The following CRPPA variants were observed in gnomAD, a reference collection of about 807,000 sequenced individuals.
CRPPA encodes D-ribitol-5-phosphate cytidylyltransferase.
Under a neutral mutation model 52.0 loss-of-function variants are expected in CRPPA, and 43 were observed. That is an observed-to-expected ratio of 0.83 (90% CI 0.65 to 1.07). CRPPA has a LOEUF of 1.07. CRPPA is among the 50% of genes least tolerant of loss of function. CRPPA has a pLI of 0.00. For missense variants in CRPPA, 629 were observed against 551.7 expected (o/e 1.14, Z -1.40); for synonymous variants, 250 against 203.5 (o/e 1.23, Z -1.94).
intron 3 of CRPPA, among the ~76,000 whole-genome samples, chr7:16,335,085 T>C (rs1785644906): frequency 1.5e-5 from 2 of 136,722 alleles, no homozygotes; most frequent in African/African-American, 2.8e-5. Context: ...TCTGGGAGGC[T>C]GAGGCAGGAG....
intron 9 of CRPPA, among the ~76,000 whole-genome samples, chr7:16,186,868 C>T (rs1014932116): frequency 6.6e-6 from 1 of 152,084 alleles, no homozygotes; most frequent in African/African-American, 2.4e-5. Flanking sequence ...TTTGTCCCAC[C>T]ATCAATGGAT....
intron 5 of CRPPA, among the ~76,000 whole-genome samples, chr7:16,288,781 G>A (rs1784498644): frequency 7.2e-6 from 1 of 139,408 alleles, no homozygotes; most frequent in East Asian, 2.2e-4. Flanking sequence ...GGGAAGAGGA[G>A]GTTACAGTGA....
intron 9 of CRPPA, among the ~76,000 whole-genome samples, chr7:16,168,338 A>T (rs1781108846): frequency 6.6e-6 from 1 of 152,176 alleles, no homozygotes; most frequent in South Asian, 2.1e-4. Flanking sequence ...GCATAGGGAC[A>T]TATAAGGAAT....
intron 2 of CRPPA, among the ~76,000 whole-genome samples, chr7:16,395,991 A>C (rs1787559548): frequency 6.6e-6 from 1 of 152,226 alleles, no homozygotes; most frequent in African/African-American, 2.4e-5. Context: ...AGAATAGGTC[A>C]GTCCTTGGTC....
At chr7:16,198,772 T>G (rs940698291) in intron 9 of CRPPA, among the ~76,000 whole-genome samples, 88 of 151,390 alleles carry the variant, frequency 5.8e-4, no homozygotes, top group East Asian at 1.2e-3. Flanking sequence ...TAGCTAATCT[T>G]AAACTCCTGG....
At position 16,160,737 on chromosome 7, in the gene CRPPA, C is replaced by T. The variant is rs145246852; in HGVS notation, c.1251+55329G>A. On this transcript the variant is annotated intron_variant, in intron 9 of 9. Transcript: ENST00000407010. ...TAGCTTGATGGGAATAGCATTGAGT[C>T]TATAAACTACTTTGCGCAGTATGGC... Among the ~76,000 whole-genome samples the T allele has an allele frequency of 9.9e-3, 1,501 of 152,278 alleles. 12 individuals are homozygous for T. Among genetic ancestry groups the T allele is most frequent in the Middle Eastern group, 0.017 (5 of 294 alleles).
chr7:16,310,079 G>C (rs1583509191), intron 3 of CRPPA, among the ~76,000 whole-genome samples: 1 of 152,176 alleles, frequency 6.6e-6, no homozygotes, highest in Non-Finnish European at 1.5e-5. Context: ...CAAGTAGCAA[G>C]ATGATTTTAG....
At chr7:16,301,702 G>A (rs1784791597) in intron 4 of CRPPA, among the ~76,000 whole-genome samples, 2 of 152,058 alleles carry the variant, frequency 1.3e-5, no homozygotes, top group South Asian at 4.1e-4. Flanking sequence ...AGTTGTTACC[G>A]AAATCTTAAT....
At chr7:16,317,844 C>A (rs1159510875) in intron 3 of CRPPA, among the ~76,000 whole-genome samples, 5 of 152,110 alleles carry the variant, frequency 3.3e-5, no homozygotes, top group Non-Finnish European at 5.9e-5. Context: ...ATGGCTATAC[C>A]AATTTATATC....
intron 9 of CRPPA, among the ~76,000 whole-genome samples, chr7:16,150,719 T>C (rs1391795782): frequency 6.6e-6 from 1 of 152,172 alleles, no homozygotes; most frequent in Non-Finnish European, 1.5e-5. Context: ...CTTAACAGAA[T>C]ACCAGAGACT....
chr7:16,389,214 T>C (rs574373921), intron 2 of CRPPA, among the ~76,000 whole-genome samples: 4 of 152,240 alleles, frequency 2.6e-5, no homozygotes, highest in African/African-American at 7.2e-5. Context: ...CTCAAACTTG[T>C]CCAAAAAATA....
At chr7:16,112,826 C>G (rs1334623069) in intron 9 of CRPPA, among the ~76,000 whole-genome samples, 45 of 152,148 alleles carry the variant, frequency 3.0e-4, no homozygotes, top group Admixed American at 2.8e-3. Flanking sequence ...ATTTCAGGAA[C>G]TTACCTGATG....
chr7:16,199,959 G>C (rs1380863975), intron 9 of CRPPA, among the ~76,000 whole-genome samples: 2 of 149,530 alleles, frequency 1.3e-5, no homozygotes, highest in African/African-American at 4.9e-5. Context: ...CTGGTTTCCA[G>C]TGATTCTCCT....
At chr7:16,332,435 T>C (rs563141569) in intron 3 of CRPPA, among the ~76,000 whole-genome samples, 5 of 152,284 alleles carry the variant, frequency 3.3e-5, no homozygotes, top group South Asian at 2.1e-4. Flanking sequence ...AACAGCAAAA[T>C]GTATTTCTTC....
chr7:16,223,632 C>T (rs986389532), intron 8 of CRPPA, among the ~76,000 whole-genome samples: 1 of 152,090 alleles, frequency 6.6e-6, no homozygotes, highest in African/African-American at 2.4e-5. Context: ...CTAAAATATA[C>T]CAACTACTTA....
chr7:16,184,631 C>A (rs191220020), intron 9 of CRPPA, among the ~76,000 whole-genome samples: 5 of 152,242 alleles, frequency 3.3e-5, no homozygotes, highest in Middle Eastern at 3.4e-3. Flanking sequence ...AAGGCACATG[C>A]TGTTTATTGA....
intron 8 of CRPPA, among the ~76,000 whole-genome samples, chr7:16,222,985 C>A (rs1293392524): frequency 6.6e-6 from 1 of 152,102 alleles, no homozygotes; most frequent in African/African-American, 2.4e-5. Flanking sequence ...TTTAAATACA[C>A]AATACATTAA....
chr7:16,333,053 A>G (rs1785592340), intron 3 of CRPPA, among the ~76,000 whole-genome samples: 1 of 152,208 alleles, frequency 6.6e-6, no homozygotes, highest in Non-Finnish European at 1.5e-5. Flanking sequence ...AAAGGGGACA[A>G]TACTCTAAGA....
chr7:16,089,213 T>C lies in CRPPA; in HGVS notation c.*2482A>G. On this transcript the variant is annotated 3_prime_UTR_variant, in exon 10 of 10. Coordinates refer to ENST00000407010, the MANE Select transcript of CRPPA (RefSeq NM_001101426.4). ...ATATGTGTGTATATACGTACGTATA[T>C]ACATATATGTGTGTATGCGTACGTA... The C allele has an allele frequency of 2.7e-6, 1 of 365,366 alleles. No homozygotes were observed. Among genetic ancestry groups the C allele is most frequent in the South Asian group, 1.9e-5 (1 of 53,178 alleles). 22.6% of individuals were successfully genotyped at this position (365,366 alleles called of 1,614,324 possible).
Sources: allele counts gnomAD v4.1 joint callset (sites outside exome capture counted in the v4.1 genomes callset), GRCh38; gene constraint gnomAD v4.1.1; transcripts MANE v1.5; gene names NCBI Gene and HGNC (gene_info 2026-07-23, HGNC 2026-07-21).